The following WFDC3 variants were observed in gnomAD, a reference collection of about 807,000 sequenced individuals.
The protein encoded by WFDC3 is WAP four-disulfide core domain protein 3.
In WFDC3, 15 loss-of-function variants were observed where a neutral mutation model predicts 25.8. The observed-to-expected ratio is 0.58, with a 90% CI of 0.39 to 0.89. The LOEUF (loss-of-function observed/expected upper bound fraction) is 0.89. Among genes scored for constraint, WFDC3 ranks in the 40% least tolerant of loss-of-function variants. The probability of loss-of-function intolerance (pLI) is 0.00; values close to 1 mark genes in which losing one functional copy is unlikely to be tolerated. For missense variants in WFDC3, 264 were observed against 289.8 expected (o/e 0.91, Z 0.65); for synonymous variants, 103 against 107.1 (o/e 0.96, Z 0.24).
intron 5 of WFDC3, among the ~76,000 whole-genome samples, chr20:45,776,613 GA>G (rs1286917625): frequency 6.2e-5 from 3 of 48,664 alleles, no homozygotes; most frequent in East Asian, 3.5e-4. Flanking sequence ...AAAAAAAAAA[GA>G]AAAAAAAGAA....
chr20:45,788,160 G>A (rs1296787687), intron 3 of WFDC3, 178 bp from the exon 4 acceptor site: 11 of 521,910 alleles, frequency 2.1e-5, no homozygotes, highest in East Asian at 1.3e-4. Context: ...AAAATTAGTC[G>A]GGGGTGGTGG....
At position 45,777,000 on chromosome 20, in the gene WFDC3, T is replaced by C. The variant is rs1980215951; in HGVS notation, c.493+75A>G. On this transcript the variant is annotated intron_variant, in intron 5 of 6. Coordinates refer to ENST00000243938, the MANE Select transcript of WFDC3 (RefSeq NM_080614.2). ...GGACAGGAAGGATGAGAATCCTAGC[T>C]CCTCCCAGGAAGGGAAAGAGAAGCA... is the stretch of plus-strand genomic sequence containing the variant. 4 of 1,603,298 alleles carry C rather than the reference T, an allele frequency of 2.5e-6. No homozygotes were observed. The African/African-American group carries it at 4.0e-5, about 16-fold the overall frequency.
chr20:45,774,835 G>C (rs1040195267), intron 6 of WFDC3, among the ~76,000 whole-genome samples: 3 of 151,686 alleles, frequency 2.0e-5, no homozygotes, highest in African/African-American at 7.3e-5. Flanking sequence ...TCCCAGCCTT[G>C]GGAGGCTGAG....
Position 45,791,869 on chromosome 20 carries a change from C to A in WFDC3, c.-45G>T. ...TGTAACTGTCCTGGGCGAGGCGCGG[C>A]GGTTCGGTTCCCATGGTAACCCCGC... On this transcript the variant is annotated 5_prime_UTR_variant, in exon 1 of 7. Coordinates refer to ENST00000243938, the MANE Select transcript of WFDC3 (RefSeq NM_080614.2). The A allele has an allele frequency of 1.9e-6, 1 of 537,612 alleles. No individual in the cohort carries two copies. The highest frequency in any genetic ancestry group is 4.4e-5 in the Admixed American group (1 of 22,834). The allele number at this position is 537,612 out of a possible 1,614,324, so 33.3% of individuals were successfully genotyped here.
At chr20:45,784,874 C>CT (rs1980601358) in intron 4 of WFDC3, among the ~76,000 whole-genome samples, 1 of 152,154 alleles carries the variant, frequency 6.6e-6, no homozygotes, top group Non-Finnish European at 1.5e-5. Context: ...TTCTTCCCAC[C>CT]TTACAGAGAA....
At chr20:45,785,296 C>T (rs1980618106) in intron 4 of WFDC3, among the ~76,000 whole-genome samples, 1 of 151,732 alleles carries the variant, frequency 6.6e-6, no homozygotes, top group African/African-American at 2.4e-5. Flanking sequence ...ATGGCAAAAC[C>T]CCATCTCTTC....
rs111904129 is a variant in WFDC3 at position 45,787,519 on chromosome 20, C to T, written c.358+317G>A. Among the ~76,000 whole-genome samples, 466 of 152,002 alleles carry T rather than the reference C, an allele frequency of 3.1e-3. 4 individuals are homozygous for T. The highest frequency in any genetic ancestry group is 0.011 in the African/African-American group (451 of 41,464). ...TGTTAGCCAGGATGGTCTCGATCTC[C>T]TGACCTCGTGATCCGCCCGCCTTGG... is the stretch of plus-strand genomic sequence containing the variant. On this transcript the variant is annotated intron_variant, in intron 4 of 6. Coordinates refer to ENST00000243938, the MANE Select transcript of WFDC3 (RefSeq NM_080614.2).
chr20:45,778,373 G>A (rs1265626871), intron 4 of WFDC3, among the ~76,000 whole-genome samples: 3 of 152,238 alleles, frequency 2.0e-5, no homozygotes, highest in Non-Finnish European at 4.4e-5. Context: ...GTGAGAAAGA[G>A]TAACTATATT....
intron 6 of WFDC3, among the ~76,000 whole-genome samples, chr20:45,774,788 C>G (rs1980056075): frequency 6.6e-6 from 1 of 152,026 alleles, no homozygotes; most frequent in South Asian, 2.1e-4. Flanking sequence ...ACTAAAAATA[C>G]AAAAATCAGC....
At chr20:45,788,329 G>A (rs979833831) in intron 3 of WFDC3, 11 of 166,430 alleles carry the variant, frequency 6.6e-5, no homozygotes, top group South Asian at 1.7e-4. Context: ...GAGAGAGAGA[G>A]AAAATAGTGC....
chr20:45,790,647 C>G (rs978323460), intron 1 of WFDC3, among the ~76,000 whole-genome samples: 1 of 152,000 alleles, frequency 6.6e-6, no homozygotes. Flanking sequence ...ATAGCTTGAA[C>G]CCAGGAGGCA....
intron 5 of WFDC3, among the ~76,000 whole-genome samples, chr20:45,776,639 T>A (rs201631889): frequency 0.042 from 3,452 of 82,014 alleles, 111 homozygotes; most frequent in African/African-American, 0.081. Context: ...AAAAAAAATA[T>A]ATATATATAT....
chr20:45,790,866 A>G, intron 1 of WFDC3: 1 of 471,002 alleles, frequency 2.1e-6, no homozygotes, highest in Non-Finnish European at 4.4e-6. Flanking sequence ...GACTGTATGA[A>G]GTCTAGCTGG....
At chr20:45,785,138 G>T (rs11698785) in intron 4 of WFDC3, among the ~76,000 whole-genome samples, 4,667 of 152,192 alleles carry the variant, frequency 0.031, 104 homozygotes, top group Non-Finnish European at 0.047. Flanking sequence ...AAAACACCCT[G>T]AAATATGCAA....
chr20:45,774,310 G>T lies in WFDC3; in HGVS notation c.*118C>A. On this transcript the variant is annotated 3_prime_UTR_variant, in exon 7 of 7. Coordinates refer to ENST00000243938, the MANE Select transcript of WFDC3 (RefSeq NM_080614.2). ...CTGGTCAGCGGCAGGAGGAGAAGCAGAGCAGAGAGGGCCATGAGTGCCCCT... is the reference window on the plus strand; with the variant it reads ...CTGGTCAGCGGCAGGAGGAGAAGCATAGCAGAGAGGGCCATGAGTGCCCCT... 1 of 1,389,798 alleles carries T rather than the reference G, an allele frequency of 7.2e-7. No individual in the cohort carries two copies. Among genetic ancestry groups the T allele is most frequent in the Non-Finnish European group, 1.0e-6 (1 of 977,780 alleles). 86.1% of individuals were successfully genotyped at this position (1,389,798 alleles called of 1,614,324 possible). A position where few individuals can be genotyped will look rare whatever the true frequency, so the allele number is the denominator to read the frequency against.
At chr20:45,777,621 G>C (rs1980253099) in intron 4 of WFDC3, among the ~76,000 whole-genome samples, 1 of 152,052 alleles carries the variant, frequency 6.6e-6, no homozygotes, top group African/African-American at 2.4e-5. Context: ...TGTGCTCAAG[G>C]GATCCTCCCA....
intron 4 of WFDC3, among the ~76,000 whole-genome samples, chr20:45,786,919 C>T (rs956212270): frequency 3.3e-5 from 5 of 151,710 alleles, no homozygotes; most frequent in African/African-American, 1.2e-4. Context: ...ATGACGAAAA[C>T]CCGTCTCTAC....
rs780573751 is a variant in WFDC3, at chr20:45,789,016, C to A, written c.126G>T (p.Glu42Asp). 40 of 1,613,590 alleles carry A rather than the reference C, an allele frequency of 2.5e-5. No individual in the cohort carries two copies. The highest frequency in any genetic ancestry group is 3.4e-5 in the Non-Finnish European group (40 of 1,179,932). The change falls in exon 3 of 7, where the codon GAG becomes GAT. Residue 42 changes from glutamate (E) to aspartate (D), a missense_variant. Transcript: ENST00000243938. ...ECPPHKNPCK[E>D]LCQGDELCPA... is the part of the protein sequence containing the mutation. ...GACACAATTCATCACCCTGGCACAG[C>A]TCTTTGCATGGGTTCTTATGGGGAG...
chr20:45,786,793 A>G (rs1980685475), intron 4 of WFDC3, among the ~76,000 whole-genome samples: 1 of 152,048 alleles, frequency 6.6e-6, no homozygotes, highest in Non-Finnish European at 1.5e-5. Flanking sequence ...TACATAGGGA[A>G]CATAAGAATC....
Sources: allele counts gnomAD v4.1 joint callset (sites outside exome capture counted in the v4.1 genomes callset), GRCh38; gene constraint gnomAD v4.1.1; transcripts MANE v1.5; gene names NCBI Gene and HGNC (gene_info 2026-07-23, HGNC 2026-07-21).